The following MGAT4C variants were observed in gnomAD, a reference collection of about 807,000 sequenced individuals.
MGAT4C encodes MGAT4 family member C, also known as alpha-1,3-mannosyl-glycoprotein 4-beta-N-acetylglucosaminyltransferase C.
In MGAT4C, 19 loss-of-function variants were observed where a neutral mutation model predicts 40.1. The observed-to-expected ratio is 0.47, with a 90% CI of 0.33 to 0.70. The LOEUF (loss-of-function observed/expected upper bound fraction) is 0.70. Among genes scored for constraint, MGAT4C ranks in the 30% least tolerant of loss-of-function variants. The probability of loss-of-function intolerance (pLI) is 0.02; values close to 1 mark genes in which losing one functional copy is unlikely to be tolerated. For synonymous variants in MGAT4C, 181 were observed against 187.1 expected, an observed-to-expected ratio of 0.97 and a Z score of 0.27; for missense variants, 491 against 563.2, an observed-to-expected ratio of 0.87 and a Z score of 1.30.
At position 86,508,521 on chromosome 12, in the gene MGAT4C, G is replaced by A. The variant is rs571212180; in HGVS notation, c.-228-73256C>T. ...GTGAATAATGCCGCAATAAACATACGTGTGCATGTGTCTTTATAGCAGCAT... is the reference window on the plus strand; with the variant it reads ...GTGAATAATGCCGCAATAAACATACATGTGCATGTGTCTTTATAGCAGCAT... On this transcript the variant is annotated intron_variant, in intron 2 of 7. Coordinates refer to the MGAT4C transcript ENST00000548651. Among the ~76,000 whole-genome samples, 494 of 152,118 alleles carry A rather than the reference G, an allele frequency of 3.2e-3. 1 individual carries two copies. The highest frequency in any genetic ancestry group is 0.011 in the African/African-American group (475 of 41,488).
At chr12:86,682,217 C>A (rs563544857) in intron 2 of MGAT4C, among the ~76,000 whole-genome samples, 286 of 152,010 alleles carry the variant, frequency 1.9e-3, no homozygotes, top group South Asian at 6.6e-3. Context: ...ATTTTAATAG[C>A]AGTAAAACCA....
At chr12:86,624,023 C>T (rs1962721558) in intron 2 of MGAT4C, among the ~76,000 whole-genome samples, 1 of 152,178 alleles carries the variant, frequency 6.6e-6, no homozygotes, top group Admixed American at 6.5e-5. Context: ...TAGCTCCCTA[C>T]AAATGTCCCA....
At chr12:86,044,686 G>A (rs897119130) in intron 2 of MGAT4C, among the ~76,000 whole-genome samples, 6 of 152,228 alleles carry the variant, frequency 3.9e-5, no homozygotes, top group Admixed American at 3.3e-4. Context: ...GGCACAGTCA[G>A]CTGTTGAAGG....
At chr12:86,024,535 T>A (rs907598495) in intron 2 of MGAT4C, among the ~76,000 whole-genome samples, 3 of 151,800 alleles carry the variant, frequency 2.0e-5, no homozygotes, top group Non-Finnish European at 4.4e-5. Context: ...TAATTTTCAT[T>A]TATATAAAGA....
chr12:86,637,351 G>A (rs1266857613), intron 2 of MGAT4C, among the ~76,000 whole-genome samples: 2 of 151,618 alleles, frequency 1.3e-5, no homozygotes, highest in Non-Finnish European at 2.9e-5. Flanking sequence ...ATTTTAGCTT[G>A]GTATTCTAGG....
intron 3 of MGAT4C, among the ~76,000 whole-genome samples, chr12:86,337,113 T>C (rs984103236): frequency 6.6e-6 from 1 of 151,966 alleles, no homozygotes; most frequent in Non-Finnish European, 1.5e-5. Flanking sequence ...CAGAAAATGA[T>C]CGATGATGAT....
intron 1 of MGAT4C, among the ~76,000 whole-genome samples, chr12:86,244,496 C>A (rs73180174): frequency 6.6e-6 from 1 of 152,308 alleles, no homozygotes; most frequent in Non-Finnish European, 1.5e-5. Flanking sequence ...TTATGGCTCC[C>A]TAAAGGGATC....
At chr12:86,530,757 A>AT (rs1382449616) in intron 2 of MGAT4C, among the ~76,000 whole-genome samples, 1 of 152,050 alleles carries the variant, frequency 6.6e-6, no homozygotes, top group East Asian at 1.9e-4. Flanking sequence ...ATGCCATCCT[A>AT]GGAATCCAAT....
chr12:86,212,891 C>CAAAAAAAA (rs71076172), intron 1 of MGAT4C, among the ~76,000 whole-genome samples: 8 of 22,520 alleles, frequency 3.6e-4, no homozygotes, highest in Admixed American at 8.6e-4. Context: ...GACTCCGTCT[C>CAAAAAAAA]AAAAAAAAAA....
At chr12:86,484,074 G>A (rs1957979205) in intron 2 of MGAT4C, among the ~76,000 whole-genome samples, 1 of 151,960 alleles carries the variant, frequency 6.6e-6, no homozygotes, top group South Asian at 2.1e-4. Context: ...GGATGGTGAG[G>A]TGGACCACTC....
intron 3 of MGAT4C, among the ~76,000 whole-genome samples, chr12:86,418,928 T>C (rs1379984579): frequency 6.6e-6 from 1 of 152,152 alleles, no homozygotes. Context: ...AGGTCAAATA[T>C]TCTGCTGAAA....
chr12:86,030,283 G>T (rs374354498), intron 2 of MGAT4C, among the ~76,000 whole-genome samples: 12 of 151,748 alleles, frequency 7.9e-5, no homozygotes, highest in African/African-American at 2.7e-4. Context: ...TGATGTTTAT[G>T]TGTATAGAAT....
intron 2 of MGAT4C, among the ~76,000 whole-genome samples, chr12:86,488,378 G>T (rs1390493313): frequency 6.6e-6 from 1 of 150,952 alleles, no homozygotes; most frequent in Non-Finnish European, 1.5e-5. Context: ...AGTGAGTGGT[G>T]ACCATGGCAT....
intron 1 of MGAT4C, among the ~76,000 whole-genome samples, chr12:86,226,420 C>A (rs1483073223): frequency 1.3e-5 from 2 of 151,910 alleles, no homozygotes; most frequent in Non-Finnish European, 2.9e-5. Context: ...TGTGTCAACT[C>A]ATTTCTCATT....
chr12:86,818,458 G>C lies in MGAT4C; in HGVS notation c.-262+20208C>G, dbSNP rs1290576466. On this transcript the variant is annotated intron_variant, in intron 1 of 7. Coordinates refer to the MGAT4C transcript ENST00000548651. ...AGAGGGATAAGGTAATAGAAAATCA[G>C]AGTGAATTGTTAGAGGCATGGAAAC... Among the ~76,000 whole-genome samples, 11 of 151,108 alleles carry C rather than the reference G, an allele frequency of 7.3e-5. No homozygotes were observed. The Admixed American group carries it at 7.3e-4, about 10-fold the overall frequency.
chr12:86,053,247 T>TTGTG (rs10540006), intron 1 of MGAT4C, among the ~76,000 whole-genome samples: 1 of 150,232 alleles, frequency 6.7e-6, no homozygotes, highest in Admixed American at 6.7e-5. Flanking sequence ...GTATTTGACT[T>TTGTG]TGTGTGTGTG....
chr12:86,304,096 T>G (rs11103919), intron 4 of MGAT4C, among the ~76,000 whole-genome samples: 40,524 of 150,512 alleles, frequency 0.27, 6,991 homozygotes, highest in South Asian at 0.4. Flanking sequence ...TATTCCTTCT[T>G]GATGTTAAAT....
chr12:86,540,801 T>A (rs1354342198), intron 2 of MGAT4C, among the ~76,000 whole-genome samples: 1 of 152,156 alleles, frequency 6.6e-6, no homozygotes, highest in African/African-American at 2.4e-5. Flanking sequence ...AATTTGGGAA[T>A]TCATATTTTT....
Position 85,965,666 on chromosome 12 carries a change from G to T in MGAT4C, c.*13623C>A, listed in dbSNP as rs1189589161. ...CAAGACTACGCTGAAAGGCAGAGAAGAAGTAATTATGAACAAACTGTTCAT... is the reference window on the plus strand; with the variant it reads ...CAAGACTACGCTGAAAGGCAGAGAATAAGTAATTATGAACAAACTGTTCAT... On this transcript the variant is annotated 3_prime_UTR_variant, in exon 5 of 5. Transcript: ENST00000611864. 1 of 148,770 alleles carries T rather than the reference G, an allele frequency of 6.7e-6. No individual in the cohort carries two copies. Among genetic ancestry groups the T allele is most frequent in the Non-Finnish European group, 1.5e-5 (1 of 67,476 alleles). 9.2% of individuals were successfully genotyped at this position (148,770 alleles called of 1,614,324 possible). A position where few individuals can be genotyped will look rare whatever the true frequency, so the allele number is the denominator to read the frequency against.
Sources: allele counts gnomAD v4.1 joint callset (sites outside exome capture counted in the v4.1 genomes callset), GRCh38; gene constraint gnomAD v4.1.1; transcripts MANE v1.5; gene names NCBI Gene and HGNC (gene_info 2026-07-23, HGNC 2026-07-21).